Variants in WDR59 observed in about 807,000 individuals in gnomAD.
WDR59 encodes GATOR2 complex protein WDR59.
Under a neutral mutation model 131.2 loss-of-function variants are expected in WDR59, and 100 were observed. That is an observed-to-expected ratio of 0.76 (90% CI 0.65 to 0.90). WDR59 has a LOEUF of 0.90. Ranked by LOEUF, WDR59 falls within the 40% of genes least tolerant of loss-of-function variation. The pLI is 0.00. For missense variants in WDR59, 1,203 were observed against 1,262.2 expected, an observed-to-expected ratio of 0.95 and a Z score of 0.71; for synonymous variants, 601 against 466.2, an observed-to-expected ratio of 1.29 and a Z score of -3.72.
intron 2 of WDR59, among the ~76,000 whole-genome samples, chr16:74,959,800 T>C (rs1490049216): frequency 6.8e-6 from 1 of 146,188 alleles, no homozygotes; most frequent in Non-Finnish European, 1.5e-5. Context: ...ACTCCTCCCT[T>C]GCCTCCCCAC....
intron 25 of WDR59, among the ~76,000 whole-genome samples, chr16:74,882,929 C>T (rs563886789): frequency 9.3e-5 from 14 of 150,602 alleles, no homozygotes; most frequent in African/African-American, 2.9e-4. Flanking sequence ...TATTACAAAA[C>T]CCAGCATTCC....
In WDR59 at chr16:74,921,947, C is replaced by A; in HGVS notation, c.886G>T (p.Gly296Trp). Residue 296 changes from glycine (G) to tryptophan (W), a missense_variant and splice_region_variant, in exon 10 of 26, where the codon GGG becomes TGG. Gly to Trp is a radical substitution (Grantham distance 184). Coordinates refer to ENST00000262144, the MANE Select transcript of WDR59 (RefSeq NM_030581.4). ...TGGGCAGCAGGCCTCTCCCACTCACCTTCCTTCTGCTTCCTCCACTGGAAC... is the reference window on the plus strand; with the variant it reads ...TGGGCAGCAGGCCTCTCCCACTCACATTCCTTCTGCTTCCTCCACTGGAAC... ...LEFQWRKQKE[G>W]SKDYQLVTWS... The A allele has an allele frequency of 1.9e-6, 3 of 1,613,704 alleles. No homozygotes were observed. The highest frequency in any genetic ancestry group is 2.5e-6 in the Non-Finnish European group (3 of 1,179,886).
At chr16:74,967,382 A>G (rs2033817614) in intron 1 of WDR59, among the ~76,000 whole-genome samples, 1 of 152,162 alleles carries the variant, frequency 6.6e-6, no homozygotes, top group South Asian at 2.1e-4. Flanking sequence ...TGGTTCCTCT[A>G]ACAAGATCTG....
chr16:74,927,986 C>CTCCGAGCCTCCGAGCAGTGCTTG (rs1407081561), intron 8 of WDR59, among the ~76,000 whole-genome samples: 5 of 146,614 alleles, frequency 3.4e-5, no homozygotes, highest in Non-Finnish European at 7.4e-5. Flanking sequence ...CGGCTCACTG[C>CTCCGAGCCTCCGAGCAGTGCTTG]AACCTCCGCC....
chr16:74,982,285 A>G (rs1193523750), intron 1 of WDR59, among the ~76,000 whole-genome samples: 1 of 152,040 alleles, frequency 6.6e-6, no homozygotes, highest in Non-Finnish European at 1.5e-5. Flanking sequence ...GCCCCTTCCA[A>G]TCATCACCAG....
At chr16:74,916,097 C>T in intron 12 of WDR59, 30 bp downstream of exon 12, 1 of 1,614,146 alleles carries the variant, frequency 6.2e-7, no homozygotes, top group Non-Finnish European at 8.5e-7. Context: ...AGAGTGGCAC[C>T]TTACCTGAGA....
intron 3 of WDR59, among the ~76,000 whole-genome samples, chr16:74,953,276 A>T (rs1478438768): frequency 6.6e-6 from 1 of 152,138 alleles, no homozygotes; most frequent in Admixed American, 6.5e-5. Flanking sequence ...GTTAGAGACC[A>T]GCCTGGCCAA....
chr16:74,954,554 A>G (rs2033185384), intron 3 of WDR59, among the ~76,000 whole-genome samples: 1 of 152,362 alleles, frequency 6.6e-6, no homozygotes. Flanking sequence ...TGATGGGAGT[A>G]TAAAAGGTTT....
chr16:74,981,103 C>T (rs998627003), intron 1 of WDR59, among the ~76,000 whole-genome samples: 15 of 151,418 alleles, frequency 9.9e-5, no homozygotes, highest in Non-Finnish European at 1.9e-4. Flanking sequence ...CGGTGGCTCA[C>T]GCCTGTAATC....
chr16:74,875,874 A>G (rs1389779560), intron 25 of WDR59, among the ~76,000 whole-genome samples: 3 of 152,130 alleles, frequency 2.0e-5, no homozygotes, highest in African/African-American at 2.4e-5. Flanking sequence ...CTCACTTCAT[A>G]CACGCGATCA....
At chr16:74,893,932 C>A in intron 18 of WDR59, 120 bp from the exon 19 acceptor site, 1 of 1,108,796 alleles carries the variant, frequency 9.0e-7, no homozygotes, top group Non-Finnish European at 1.3e-6. Context: ...ACATCATGCC[C>A]ACAATTATGG....
At chr16:74,912,162 G>A (rs1427042966) in intron 14 of WDR59, 36 bp downstream of exon 14, 1 of 1,613,646 alleles carries the variant, frequency 6.2e-7, no homozygotes, top group African/African-American at 1.3e-5. Context: ...CAATGATGCA[G>A]AACAGCAAGG....
intron 1 of WDR59, among the ~76,000 whole-genome samples, chr16:74,976,984 A>G (rs1407893430): frequency 6.6e-6 from 1 of 152,148 alleles, no homozygotes; most frequent in Non-Finnish European, 1.5e-5. Flanking sequence ...CCTGGGCGAC[A>G]TTGCGAGACC....
intron 25 of WDR59, among the ~76,000 whole-genome samples, chr16:74,878,702 C>T (rs150248143): frequency 2.6e-5 from 4 of 152,266 alleles, no homozygotes; most frequent in African/African-American, 7.2e-5. Flanking sequence ...GTACTCCTTT[C>T]GTTTGGCAAT....
chr16:74,886,351 G>T lies in WDR59; in HGVS notation c.2465C>A (p.Ser822Ter). ...ACTCCCAAAGCGGAGCTCTTCTGGT[G>T]AGGATTCTCCCCAAGGGGAGGACAA... ...EHLSSPWGES[S>*]PEELRFGSLT... Residue 822 changes from serine (S) to a stop codon, truncating the protein, a stop_gained, in exon 24 of 26, where the codon TCA becomes TAA. Transcript: ENST00000262144. LOFTEE classifies it high-confidence loss of function. 1 of 1,613,994 alleles carries T rather than the reference G, an allele frequency of 6.2e-7. No homozygotes were observed. Among genetic ancestry groups the T allele is most frequent in the Non-Finnish European group, 8.5e-7 (1 of 1,179,982 alleles).
chr16:74,940,197 G>A (rs1327377157), intron 7 of WDR59, among the ~76,000 whole-genome samples: 2 of 152,166 alleles, frequency 1.3e-5, no homozygotes, highest in East Asian at 3.9e-4. Context: ...TGACCAACAC[G>A]GTGAAACCCT....
intron 1 of WDR59, among the ~76,000 whole-genome samples, chr16:74,973,348 G>A (rs2034063227): frequency 6.6e-6 from 1 of 152,170 alleles, no homozygotes; most frequent in African/African-American, 2.4e-5. Flanking sequence ...CACCCCAGCT[G>A]GAGCACAGTG....
intron 25 of WDR59, among the ~76,000 whole-genome samples, chr16:74,879,683 T>G (rs930835612): frequency 6.6e-6 from 1 of 152,176 alleles, no homozygotes. Flanking sequence ...GGAAATAGTA[T>G]CTTGTTCTAA....
intron 14 of WDR59, chr16:74,911,966 T>C (rs1597698017): frequency 1.8e-6 from 1 of 565,014 alleles, no homozygotes; most frequent in Non-Finnish European, 3.1e-6. Context: ...GGGTCCATAA[T>C]TTTCATTAGA....
Sources: allele counts gnomAD v4.1 joint callset (sites outside exome capture counted in the v4.1 genomes callset), GRCh38; gene constraint gnomAD v4.1.1; transcripts MANE v1.5; gene names NCBI Gene and HGNC (gene_info 2026-07-23, HGNC 2026-07-21).